Variants in AGAP1 observed in about 807,000 individuals in gnomAD.
The protein encoded by AGAP1 is arf-GAP with GTPase, ANK repeat and PH domain-containing protein 1.
A neutral mutation model predicts 105.3 loss-of-function variants in AGAP1; 29 were observed. The ratio of observed to expected loss-of-function variants is 0.28; its 90% CI spans 0.21 to 0.38. AGAP1 has a LOEUF of 0.38. Among genes scored for constraint, AGAP1 ranks in the 10% least tolerant of loss-of-function variants. The pLI, the probability that AGAP1 is intolerant of heterozygous loss-of-function variation, is 1.00. For missense variants in AGAP1, 998 were observed against 1,165.1 expected (o/e 0.86, Z 2.09); for synonymous variants, 509 against 485.9 (o/e 1.05, Z -0.63).
At chr2:235,727,579 A>T in intron 3 of AGAP1, among the ~76,000 whole-genome samples, 1 of 152,228 alleles carries the variant, frequency 6.6e-6, no homozygotes, top group Non-Finnish European at 1.5e-5. Context: ...CTGAAAGCTT[A>T]GTCTTTGGAA....
chr2:235,764,062 CGGT>C (rs1559454539), intron 6 of AGAP1, among the ~76,000 whole-genome samples: 3 of 150,250 alleles, frequency 2.0e-5, no homozygotes, highest in East Asian at 1.9e-4. Context: ...CCGTGTGTGG[CGGT>C]TGCCCATGTG....
intron 9 of AGAP1, among the ~76,000 whole-genome samples, chr2:235,823,567 C>G (rs1575558824): frequency 6.6e-6 from 1 of 152,208 alleles, no homozygotes; most frequent in African/African-American, 2.4e-5. Flanking sequence ...AAAGAGCTTG[C>G]TCAAGGTCCT....
rs61257818 is a variant in AGAP1 at position 235,867,536 on chromosome 2, AGTGTGTGTGTGT to A, written c.1051-15781_1051-15770del. On this transcript the variant is annotated intron_variant, in intron 9 of 17. Transcript: ENST00000304032. The surrounding 1 kb of genome is among the most constrained non-coding windows in gnomAD (Gnocchi z 5.4). The stretch of plus-strand genomic sequence containing the variant: ...ATCATACACCTTATGCTGGTGCTGC[AGTGTGTGTGTGT>A]GTGTGTGTGTGTGTGTGTGTGTGTG... Among the ~76,000 whole-genome samples the A allele has an allele frequency of 1.5e-4, 18 of 123,238 alleles. No individual in the cohort carries two copies. The highest frequency in any genetic ancestry group is 2.3e-4 in the African/African-American group (8 of 35,010). The allele number at this position is 123,238 out of a possible 152,430, so 80.8% of individuals were successfully genotyped here. A position where few individuals can be genotyped will look rare whatever the true frequency, so the allele number is the denominator to read the frequency against.
chr2:235,996,680 A>C (rs529535593), intron 13 of AGAP1, among the ~76,000 whole-genome samples: 1 of 152,358 alleles, frequency 6.6e-6, no homozygotes, highest in East Asian at 1.9e-4. Flanking sequence ...CACAGCTCCC[A>C]GCCTGCAGGA....
chr2:235,819,564 C>G (rs1958663130), intron 9 of AGAP1, among the ~76,000 whole-genome samples: 1 of 152,138 alleles, frequency 6.6e-6, no homozygotes, highest in Non-Finnish European at 1.5e-5. Context: ...CGTACCAGCC[C>G]CTTTAATCTG....
At chr2:236,013,499 G>A (rs377036753) in intron 13 of AGAP1, among the ~76,000 whole-genome samples, 3 of 152,314 alleles carry the variant, frequency 2.0e-5, no homozygotes, top group Admixed American at 6.5e-5. Flanking sequence ...GGAGCTGACC[G>A]TTGGCCAGCT....
At chr2:235,504,683 C>T (rs911644723) in intron 1 of AGAP1, among the ~76,000 whole-genome samples, 3 of 152,126 alleles carry the variant, frequency 2.0e-5, no homozygotes, top group East Asian at 1.9e-4. Context: ...CTCGTGAAGC[C>T]GCTCCTGCAG....
At chr2:235,595,713 G>T (rs1441385545) in intron 1 of AGAP1, among the ~76,000 whole-genome samples, 1 of 152,200 alleles carries the variant, frequency 6.6e-6, no homozygotes, top group African/African-American at 2.4e-5. Flanking sequence ...ATCCCCTGCT[G>T]ATATGGCACA....
Position 235,872,566 on chromosome 2 carries a change from T to G in AGAP1, c.1051-10779T>G, listed in dbSNP as rs1249451813. 1.3e-5 allele frequency among the ~76,000 whole-genome samples: 2 copies of G among 152,232 alleles called. No individual in the cohort carries two copies. Among genetic ancestry groups the G allele is most frequent in the Admixed American group, 1.3e-4 (2 of 15,288 alleles). ...GAGCCTTCCGGCCTCTGTCATCTTC[T>G]GGCCAGTAGGATCACGGCTTCATGT... On this transcript the variant is annotated intron_variant, in intron 9 of 17. Transcript: ENST00000304032. This position sits in a 1 kb window ranked among gnomAD's most constrained non-coding sequence, Gnocchi z 4.5.
chr2:235,748,327 A>T (rs1404703066), intron 5 of AGAP1, among the ~76,000 whole-genome samples: 1 of 152,190 alleles, frequency 6.6e-6, no homozygotes, highest in African/African-American at 2.4e-5. Flanking sequence ...AGCTGGGTGG[A>T]TGCTATGTGG....
chr2:235,670,020 G>T (rs1227084081), intron 1 of AGAP1: 1 of 338,030 alleles, frequency 3.0e-6, no homozygotes, highest in Non-Finnish European at 5.3e-6. Context: ...CTCCCGGCCC[G>T]CCTGCCCTCC....
intron 1 of AGAP1, among the ~76,000 whole-genome samples, chr2:235,626,723 A>C (rs1390302971): frequency 6.6e-6 from 1 of 152,238 alleles, no homozygotes; most frequent in Non-Finnish European, 1.5e-5. Context: ...TTGAAGTAAA[A>C]AGTTTTAGTG....
chr2:235,982,521 C>T lies in AGAP1; in HGVS notation c.1645+13898C>T, dbSNP rs1256743374. ...AGAACTCATAAATGGTAAAAGTAAC[C>T]TGTATTATCATTGGTTCTAGGGGAC... On this transcript the variant is annotated intron_variant, in intron 13 of 17. Transcript: ENST00000304032. This position sits in a 1 kb window ranked among gnomAD's most constrained non-coding sequence, Gnocchi z 4.9. 1.3e-5 allele frequency among the ~76,000 whole-genome samples: 2 copies of T among 152,154 alleles called. No individual in the cohort carries two copies.
At chr2:235,718,253 G>A (rs1421597897) in intron 3 of AGAP1, 4 of 427,332 alleles carry the variant, frequency 9.4e-6, no homozygotes, top group Non-Finnish European at 1.3e-5. Flanking sequence ...GTCCCCTAAC[G>A]AAGGGGTGTA....
intron 1 of AGAP1, among the ~76,000 whole-genome samples, chr2:235,598,652 A>T (rs1301421236): frequency 6.6e-6 from 1 of 152,214 alleles, no homozygotes; most frequent in Non-Finnish European, 1.5e-5. Flanking sequence ...AAATGCAAAG[A>T]TATGAAAAGG....
At position 235,967,939 on chromosome 2, in the gene AGAP1, A is replaced by T. The variant is rs530697270; in HGVS notation, c.1484-523A>T. On this transcript the variant is annotated intron_variant, in intron 12 of 17. Transcript: ENST00000304032. This position sits in a 1 kb window ranked among gnomAD's most constrained non-coding sequence, Gnocchi z 4.7. ...TTGGTGAGAGAGAGAAAAAAATGGC[A>T]TAGAATTTTTCACTGATAATAAAAC... Among the ~76,000 whole-genome samples, 1 of 152,348 alleles carries T rather than the reference A, an allele frequency of 6.6e-6. No homozygotes were observed. The highest frequency in any genetic ancestry group is 2.1e-4 in the South Asian group (1 of 4,828).
At position 235,736,201 on chromosome 2, in the gene AGAP1, G is replaced by A. The variant is rs1242236209; in HGVS notation, c.311-4762G>A. Among the ~76,000 whole-genome samples, 5 of 151,878 alleles carry A rather than the reference G, an allele frequency of 3.3e-5. No homozygotes were observed. The highest frequency in any genetic ancestry group is 5.9e-5 in the Non-Finnish European group (4 of 67,980). On this transcript the variant is annotated intron_variant, in intron 3 of 17. Coordinates refer to ENST00000304032, the MANE Select transcript of AGAP1 (RefSeq NM_001037131.3). The surrounding 1 kb of genome is among the most constrained non-coding windows in gnomAD (Gnocchi z 5.5). ...CTGGTTCCTCACCCTGGGGGTGCCC[G>A]CCGTTGGGAGGTGCTGTGGTTCCAG...
rs1043814045 is a variant in AGAP1 at position 235,934,831 on chromosome 2, G to A, written c.1483+3908G>A. Among the ~76,000 whole-genome samples the A allele has an allele frequency of 5.9e-5, 9 of 152,070 alleles. No individual in the cohort carries two copies. The highest frequency in any genetic ancestry group is 2.2e-4 in the African/African-American group (9 of 41,388). On this transcript the variant is annotated intron_variant, in intron 12 of 17. Transcript: ENST00000304032. The surrounding 1 kb of genome is among the most constrained non-coding windows in gnomAD (Gnocchi z 4.9). ...GTGTTGGCAAGTGTGCCTTCCCATTGTTGTGCACTCTTACTCTAAAACATA... is the reference window on the plus strand; with the variant it reads ...GTGTTGGCAAGTGTGCCTTCCCATTATTGTGCACTCTTACTCTAAAACATA...
intron 6 of AGAP1, among the ~76,000 whole-genome samples, chr2:235,757,914 A>G (rs1250770725): frequency 2.0e-5 from 3 of 152,182 alleles, no homozygotes; most frequent in African/African-American, 4.8e-5. Flanking sequence ...GAATGTAAGC[A>G]GTCTTCTGGG....
Sources: gnomAD v4.1 joint callset for allele counts (sites outside exome capture counted in the v4.1 genomes callset) on GRCh38, gnomAD v4.1.1 for gene constraint, Gnocchi (gnomAD v3.1) non-coding constraint, MANE v1.5 for transcripts, NCBI Gene and HGNC (gene_info 2026-07-23, HGNC 2026-07-21) for gene names.